SNX10: variants seen among roughly 807,000 people sequenced by gnomAD.
The protein encoded by SNX10 is sorting nexin-10.
In SNX10, 25 loss-of-function variants were observed where a neutral mutation model predicts 28.5. The ratio of observed to expected loss-of-function variants is 0.88; its 90% CI spans 0.64 to 1.22. The LOEUF is 1.22. Ranked by LOEUF, SNX10 falls within the 50% of genes most tolerant of loss-of-function variation. SNX10 has a pLI of 0.00. For missense variants in SNX10, 223 were observed against 242.6 expected (o/e 0.92, Z 0.54); for synonymous variants, 62 against 81.4 (o/e 0.76, Z 1.28).
chr7:26,346,045 TG>T (rs1456414436), intron 1 of SNX10, among the ~76,000 whole-genome samples: 13 of 152,228 alleles, frequency 8.5e-5, no homozygotes, highest in Non-Finnish European at 1.2e-4. Flanking sequence ...CCTCTGGTGG[TG>T]GATCTCTCTG....
chr7:26,317,206 A>G (rs1787127116), intron 1 of SNX10, among the ~76,000 whole-genome samples: 4 of 152,166 alleles, frequency 2.6e-5, no homozygotes, highest in Admixed American at 2.6e-4. Flanking sequence ...GTACAAGGGA[A>G]GCTACCTAGG....
At chr7:26,342,662 G>A (rs530034598) in intron 1 of SNX10, among the ~76,000 whole-genome samples, 1 of 152,232 alleles carries the variant, frequency 6.6e-6, no homozygotes, top group Admixed American at 6.5e-5. Flanking sequence ...ATATGGAAGT[G>A]TATAGAGCTT....
At chr7:26,344,582 G>A (rs963023345) in intron 1 of SNX10, among the ~76,000 whole-genome samples, 3 of 152,154 alleles carry the variant, frequency 2.0e-5, no homozygotes, top group Admixed American at 1.3e-4. Context: ...TATCCCTGTT[G>A]TGTGTTTTTC....
chr7:26,335,907 CTAATTTTTTG>C (rs1787919081), intron 1 of SNX10, among the ~76,000 whole-genome samples: 1 of 151,458 alleles, frequency 6.6e-6, no homozygotes, highest in Admixed American at 6.6e-5. Context: ...CTGCGCCCGG[CTAATTTTTTG>C]TATTTTTAGT....
rs186776256 is a variant in SNX10, at chr7:26,352,785, C to A, written c.24+6319C>A. Among the ~76,000 whole-genome samples the A allele has an allele frequency of 5.8e-4, 88 of 152,224 alleles. 1 individual carries two copies. In the East Asian group the frequency reaches 0.016, roughly 28 times the overall value. ...AATTATATACTTGGTTGTTCTAATTCTCTATTTAATTAGGATTCAGATAAG... is the reference window on the plus strand; with the variant it reads ...AATTATATACTTGGTTGTTCTAATTATCTATTTAATTAGGATTCAGATAAG... On this transcript the variant is annotated intron_variant, in intron 2 of 6. Coordinates refer to ENST00000338523, the MANE Select transcript of SNX10 (RefSeq NM_013322.3).
intron 2 of SNX10, among the ~76,000 whole-genome samples, chr7:26,356,662 C>T (rs966009176): frequency 6.6e-6 from 1 of 152,036 alleles, no homozygotes; most frequent in African/African-American, 2.4e-5. Flanking sequence ...ATTTTAACTC[C>T]CACTAGGCCA....
intron 5 of SNX10, among the ~76,000 whole-genome samples, chr7:26,367,145 G>A (rs1354666058): frequency 6.6e-6 from 1 of 152,098 alleles, no homozygotes; most frequent in Admixed American, 6.5e-5. Flanking sequence ...CTGGGTGGTT[G>A]TGTCCTACAG....
chr7:26,367,865 T>C (rs6946110), intron 5 of SNX10, among the ~76,000 whole-genome samples: 1,892 of 152,318 alleles, frequency 0.012, 43 homozygotes, highest in African/African-American at 0.043. Context: ...GAAACATGCT[T>C]GTATTGTAGG....
intron 1 of SNX10, among the ~76,000 whole-genome samples, chr7:26,306,455 A>G (rs1786597661): frequency 6.7e-6 from 1 of 148,972 alleles, no homozygotes; most frequent in Admixed American, 6.7e-5. Flanking sequence ...TTTGTCACTC[A>G]GGCTGGAGTG....
intron 1 of SNX10, among the ~76,000 whole-genome samples, chr7:26,294,759 A>G (rs999113573): frequency 2.9e-4 from 44 of 152,218 alleles, no homozygotes; most frequent in Admixed American, 2.9e-3. Flanking sequence ...CAAGTGTCCT[A>G]AGTACGTTAA....
intron 1 of SNX10, among the ~76,000 whole-genome samples, chr7:26,330,442 C>T (rs955506102): frequency 7.9e-5 from 12 of 151,930 alleles, no homozygotes; most frequent in South Asian, 4.2e-4. Flanking sequence ...ATTGAGCAGC[C>T]GGTACTTGGG....
In SNX10 at chr7:26,323,959, T is replaced by G. The variant is rs142019783; in HGVS notation, c.-23-22461T>G. ...GTTGGTTTAGAATGCAACAGAGGAC[T>G]GCCGTGTTCATGAAAGGAATTTGTA... On this transcript the variant is annotated intron_variant, in intron 1 of 6. Coordinates refer to ENST00000338523, the MANE Select transcript of SNX10 (RefSeq NM_013322.3). Among the ~76,000 whole-genome samples, 72 of 152,338 alleles carry G rather than the reference T, an allele frequency of 4.7e-4. 1 individual carries two copies. In the East Asian group the frequency reaches 0.013, roughly 27 times the overall value.
At chr7:26,357,903 C>G (rs1410535463) in intron 2 of SNX10, among the ~76,000 whole-genome samples, 2 of 151,912 alleles carry the variant, frequency 1.3e-5, no homozygotes, top group African/African-American at 4.8e-5. Flanking sequence ...GAGGCTGGAT[C>G]CATGGGAGAG....
At chr7:26,292,235 T>C (rs1199115091) in intron 1 of SNX10, 149 bp downstream of exon 1, 2 of 152,152 alleles carry the variant, frequency 1.3e-5, no homozygotes, top group East Asian at 3.9e-4. Flanking sequence ...CCCTTGGGCT[T>C]GGAGCAGAGG....
Position 26,374,092 on chromosome 7 carries a change from T to C in SNX10, c.*1520T>C, listed in dbSNP as rs1379114160. ...TTAGTAATTTCTTACCATGCTAATA[T>C]GTAAAGTTCATGCCATCCAGGCATT... On this transcript the variant is annotated 3_prime_UTR_variant, in exon 7 of 7. Transcript: ENST00000338523. 6.6e-6 allele frequency: 1 copy of C among 152,074 alleles called. No homozygotes were observed. Among genetic ancestry groups the C allele is most frequent in the African/African-American group, 2.4e-5 (1 of 41,452 alleles). 9.4% of individuals were successfully genotyped at this position (152,074 alleles called of 1,614,324 possible). A position where few individuals can be genotyped will look rare whatever the true frequency, so the allele number is the denominator to read the frequency against.
At chr7:26,329,721 G>A (rs1036039815) in intron 1 of SNX10, among the ~76,000 whole-genome samples, 3 of 152,316 alleles carry the variant, frequency 2.0e-5, no homozygotes, top group Admixed American at 6.5e-5. Context: ...TGATCACAGC[G>A]TTACAAAGGG....
intron 1 of SNX10, among the ~76,000 whole-genome samples, chr7:26,300,497 C>G (rs1254139256): frequency 1.3e-5 from 2 of 152,088 alleles, no homozygotes; most frequent in African/African-American, 4.8e-5. Flanking sequence ...ATTAACAGGG[C>G]CCTCCTGCCT....
intron 1 of SNX10, among the ~76,000 whole-genome samples, chr7:26,327,654 A>G (rs1222229429): frequency 6.6e-6 from 1 of 151,688 alleles, no homozygotes. Context: ...GTCTCTGCAC[A>G]TAAAAATTTT....
chr7:26,314,492 A>T (rs1406304960), intron 1 of SNX10, among the ~76,000 whole-genome samples: 2 of 152,174 alleles, frequency 1.3e-5, no homozygotes, highest in Non-Finnish European at 2.9e-5. Flanking sequence ...ATTATGACTA[A>T]GTATAATATG....
Sources: gnomAD v4.1 joint callset for allele counts (sites outside exome capture counted in the v4.1 genomes callset) on GRCh38, gnomAD v4.1.1 for gene constraint, MANE v1.5 for transcripts, NCBI Gene and HGNC (gene_info 2026-07-23, HGNC 2026-07-21) for gene names.